Variants in RANBP2 observed in about 807,000 individuals in gnomAD.
RANBP2 encodes E3 SUMO-protein ligase RanBP2.
RANBP2 carries 57 observed loss-of-function variants against 303.6 expected under a neutral mutation model. That is an observed-to-expected ratio of 0.19 (90% CI 0.15 to 0.23). RANBP2 has a LOEUF of 0.23. Among genes scored for constraint, RANBP2 ranks in the 10% least tolerant of loss-of-function variants. The probability of loss-of-function intolerance (pLI) is 1.00; values close to 1 mark genes in which losing one functional copy is unlikely to be tolerated. For missense variants in RANBP2, 3,138 were observed against 3,780.8 expected, an observed-to-expected ratio of 0.83 and a Z score of 4.46; for synonymous variants, 1,167 against 1,301.5, an observed-to-expected ratio of 0.90 and a Z score of 2.23.
the RANBP2 span, among the ~76,000 whole-genome samples, chr2:109,024,819 T>A: frequency 6.6e-6 from 1 of 152,230 alleles, no homozygotes; most frequent in Non-Finnish European, 1.5e-5. Flanking sequence ...ATATTTTAAA[T>A]TGATATTCTT....
chr2:109,700,681 T>C, the RANBP2 span, among the ~76,000 whole-genome samples: 7 of 152,090 alleles, frequency 4.6e-5, no homozygotes, highest in Admixed American at 2.6e-4. Flanking sequence ...GTCCAAGATA[T>C]TTTCCTTTCA....
chr2:109,003,249 T>C, the RANBP2 span, among the ~76,000 whole-genome samples: 2 of 144,988 alleles, frequency 1.4e-5, no homozygotes, highest in South Asian at 4.4e-4. Context: ...AAAGTACACG[T>C]GCACTTTTCT....
the RANBP2 span, among the ~76,000 whole-genome samples, chr2:109,076,875 C>T: frequency 6.6e-6 from 1 of 150,386 alleles, no homozygotes; most frequent in Non-Finnish European, 1.5e-5. Flanking sequence ...GCATTTTTCT[C>T]AGAAATAGGA....
the RANBP2 span, among the ~76,000 whole-genome samples, chr2:109,167,044 G>A: frequency 2.0e-5 from 3 of 152,170 alleles, no homozygotes; most frequent in Admixed American, 6.5e-5. Flanking sequence ...TCGGTGTCCC[G>A]TGGGAATACC....
At chr2:108,834,214 ATT>A in the RANBP2 span, among the ~76,000 whole-genome samples, 3 of 139,630 alleles carry the variant, frequency 2.1e-5, no homozygotes, top group Non-Finnish European at 3.1e-5. Flanking sequence ...CATCTTTGAA[ATT>A]TTTTTTTTTT....
chr2:108,770,016 T>TA (rs1677387201), intron 20 of RANBP2, among the ~76,000 whole-genome samples: 1 of 152,210 alleles, frequency 6.6e-6, no homozygotes, highest in Admixed American at 6.5e-5. Flanking sequence ...CTTTTATTTT[T>TA]AAAGATACGG....
chr2:109,484,259 G>A, the RANBP2 span, among the ~76,000 whole-genome samples: 1 of 152,070 alleles, frequency 6.6e-6, no homozygotes. Context: ...TAGAGATGGG[G>A]TTTCACCATG....
chr2:109,777,296 A>G, the RANBP2 span, among the ~76,000 whole-genome samples: 1 of 148,736 alleles, frequency 6.7e-6, no homozygotes, highest in African/African-American at 2.5e-5. Context: ...ATGTATTGAG[A>G]TGGTCATATG....
At chr2:108,877,894 A>C in the RANBP2 span, among the ~76,000 whole-genome samples, 1 of 152,190 alleles carries the variant, frequency 6.6e-6, no homozygotes, top group Non-Finnish European at 1.5e-5. Context: ...ACTTAGAAGA[A>C]AGGAAAAACC....
chr2:109,014,483 A>G, the RANBP2 span, among the ~76,000 whole-genome samples: 1 of 152,242 alleles, frequency 6.6e-6, no homozygotes, highest in Non-Finnish European at 1.5e-5. Flanking sequence ...TGATGTTCAA[A>G]AACACAACTG....
At chr2:109,743,943 G>C in the RANBP2 span, among the ~76,000 whole-genome samples, 1 of 95,106 alleles carries the variant, frequency 1.1e-5, no homozygotes, top group Non-Finnish European at 2.8e-5. Context: ...TGCTGTTACA[G>C]AGCATAGGAT....
chr2:109,640,407 G>A, the RANBP2 span, among the ~76,000 whole-genome samples: 1 of 152,128 alleles, frequency 6.6e-6, no homozygotes, highest in African/African-American at 2.4e-5. Context: ...AGCCAAGATC[G>A]TGCCACTGCA....
the RANBP2 span, chr2:108,804,766 A>T: frequency 1.4e-5 from 12 of 847,086 alleles, no homozygotes; most frequent in South Asian, 3.7e-4. Context: ...TTGTGCTTGC[A>T]TACACTGATT....
At chr2:109,065,418 G>A in the RANBP2 span, among the ~76,000 whole-genome samples, 228 of 152,216 alleles carry the variant, frequency 1.5e-3, 1 homozygote, top group Middle Eastern at 0.017. Context: ...TGGGGCTGCC[G>A]ACTCTGCAGT....
At chr2:108,953,263 A>G in the RANBP2 span, among the ~76,000 whole-genome samples, 10 of 152,198 alleles carry the variant, frequency 6.6e-5, no homozygotes, top group Non-Finnish European at 1.0e-4. Context: ...GCTGTCCACA[A>G]CAGGTGTTCT....
At chr2:109,735,184 T>G in the RANBP2 span, among the ~76,000 whole-genome samples, 1 of 152,214 alleles carries the variant, frequency 6.6e-6, no homozygotes, top group African/African-American at 2.4e-5. Flanking sequence ...TCCTAGCCCT[T>G]AATAACCACT....
chr2:109,462,701 A>G, the RANBP2 span, among the ~76,000 whole-genome samples: 6 of 152,216 alleles, frequency 3.9e-5, no homozygotes, highest in East Asian at 3.8e-4. Context: ...CAGGAAACCA[A>G]TGTGAGGATT....
chr2:108,788,707 G>A (rs772462645), downstream of RANBP2: 54 of 1,144,398 alleles, frequency 4.7e-5, no homozygotes, highest in East Asian at 1.2e-3. Flanking sequence ...GTGACAGAGC[G>A]AGACTCCGTC....
the RANBP2 span, among the ~76,000 whole-genome samples, chr2:109,644,274 T>C: frequency 6.6e-6 from 1 of 152,076 alleles, no homozygotes; most frequent in Non-Finnish European, 1.5e-5. Context: ...GCCACTGCAC[T>C]CCAGCCTGGG....
Sources: gnomAD v4.1 joint callset for allele counts (sites outside exome capture counted in the v4.1 genomes callset) on GRCh38, gnomAD v4.1.1 for gene constraint, MANE v1.5 for transcripts, NCBI Gene and HGNC (gene_info 2026-07-23, HGNC 2026-07-21) for gene names.